Variants in PTPRD observed in about 807,000 individuals in gnomAD.
The protein encoded by PTPRD is receptor-type tyrosine-protein phosphatase delta.
Under a neutral mutation model 214.5 loss-of-function variants are expected in PTPRD, and 34 were observed. That is an observed-to-expected ratio of 0.16 (90% CI 0.12 to 0.21). PTPRD has a LOEUF of 0.21. Among genes scored for constraint, PTPRD ranks in the 10% least tolerant of loss-of-function variants. The pLI, the probability that PTPRD is intolerant of heterozygous loss-of-function variation, is 1.00. For synonymous variants in PTPRD, 1,128 were observed against 845.7 expected (o/e 1.33, Z -5.79); for missense variants, 2,545 against 2,398.7 (o/e 1.06, Z -1.27).
chr9:9,360,842 A>G (rs2055845104), intron 9 of PTPRD, among the ~76,000 whole-genome samples: 1 of 151,124 alleles, frequency 6.6e-6, no homozygotes, highest in African/African-American at 2.4e-5. Flanking sequence ...TTGATAAGTC[A>G]AGAGTACTGT....
intron 34 of PTPRD, among the ~76,000 whole-genome samples, chr9:8,441,012 C>A (rs1249523933): frequency 6.6e-6 from 1 of 152,066 alleles, no homozygotes; most frequent in African/African-American, 2.4e-5. Flanking sequence ...ACGGCATTTG[C>A]GATCTTCTAA....
intron 8 of PTPRD, among the ~76,000 whole-genome samples, chr9:9,520,297 ATAT>A (rs2096937444): frequency 6.8e-6 from 1 of 147,680 alleles, no homozygotes; most frequent in African/African-American, 2.4e-5. Context: ...TTATATATAT[ATAT>A]TAAGTTATAT....
At chr9:9,294,696 C>T (rs1952402961) in intron 9 of PTPRD, among the ~76,000 whole-genome samples, 1 of 151,580 alleles carries the variant, frequency 6.6e-6, no homozygotes, top group South Asian at 2.1e-4. Context: ...TGAAACTTAC[C>T]TTGCTGACAC....
chr9:10,416,476 C>A (rs1295700335), intron 2 of PTPRD, among the ~76,000 whole-genome samples: 1 of 151,350 alleles, frequency 6.6e-6, no homozygotes, highest in African/African-American at 2.4e-5. Flanking sequence ...AAGAAGAGAA[C>A]AAATGTTAAA....
chr9:9,310,172 C>T (rs1208283123), intron 9 of PTPRD, among the ~76,000 whole-genome samples: 1 of 152,108 alleles, frequency 6.6e-6, no homozygotes, highest in Admixed American at 6.5e-5. Context: ...TGTTTTGGAT[C>T]TGCTGATGTT....
chr9:9,929,613 C>T (rs752257284), intron 5 of PTPRD, among the ~76,000 whole-genome samples: 2 of 152,098 alleles, frequency 1.3e-5, no homozygotes, highest in Admixed American at 6.5e-5. Flanking sequence ...AGGATAGTCT[C>T]AATCTCTTGA....
chr9:9,362,065 A>G (rs1254768019), intron 9 of PTPRD, among the ~76,000 whole-genome samples: 3 of 151,170 alleles, frequency 2.0e-5, no homozygotes, highest in Non-Finnish European at 4.5e-5. Flanking sequence ...TTGACTTAAA[A>G]AAAGATCGAG....
At chr9:9,062,836 G>C (rs1231623804) in intron 10 of PTPRD, among the ~76,000 whole-genome samples, 1 of 152,072 alleles carries the variant, frequency 6.6e-6, no homozygotes, top group Non-Finnish European at 1.5e-5. Context: ...GGCCTATTTT[G>C]CCATCCCAGG....
chr9:9,897,350 C>A (rs2075282291), intron 5 of PTPRD, among the ~76,000 whole-genome samples: 3 of 151,736 alleles, frequency 2.0e-5, no homozygotes, highest in Admixed American at 2.0e-4. Flanking sequence ...GTATTATGAA[C>A]CTACACACTT....
intron 3 of PTPRD, among the ~76,000 whole-genome samples, chr9:10,088,488 T>A (rs972081133): frequency 1.3e-5 from 2 of 151,748 alleles, no homozygotes; most frequent in South Asian, 2.1e-4. Flanking sequence ...TCTTCAAGTA[T>A]AAAGATGAAG....
intron 11 of PTPRD, among the ~76,000 whole-genome samples, chr9:8,795,658 A>G (rs1210735838): frequency 6.6e-6 from 1 of 152,196 alleles, no homozygotes; most frequent in African/African-American, 2.4e-5. Flanking sequence ...TTTTCATCAT[A>G]GCCCACGTAA....
At chr9:8,356,101 T>A (rs1192644948) in intron 39 of PTPRD, among the ~76,000 whole-genome samples, 1 of 152,158 alleles carries the variant, frequency 6.6e-6, no homozygotes, top group African/African-American at 2.4e-5. Flanking sequence ...AAACGCAAAG[T>A]TTGCTTTTCA....
At chr9:9,454,701 G>A (rs1379640276) in intron 8 of PTPRD, among the ~76,000 whole-genome samples, 2 of 151,466 alleles carry the variant, frequency 1.3e-5, no homozygotes, top group Non-Finnish European at 3.0e-5. Context: ...GTGTATATTT[G>A]TATAGCTATT....
At chr9:9,073,573 T>TC (rs2154411695) in intron 10 of PTPRD, among the ~76,000 whole-genome samples, 1 of 152,260 alleles carries the variant, frequency 6.6e-6, no homozygotes, top group Non-Finnish European at 1.5e-5. Flanking sequence ...GACTGAGGTT[T>TC]CCCCAAAAAG....
chr9:9,466,125 T>C (rs2094135093), intron 8 of PTPRD, among the ~76,000 whole-genome samples: 3 of 151,954 alleles, frequency 2.0e-5, no homozygotes, highest in Admixed American at 1.3e-4. Flanking sequence ...CTGGCCAACA[T>C]GGCAAAACCT....
chr9:10,244,520 A>C (rs1210516160), intron 3 of PTPRD, among the ~76,000 whole-genome samples: 5 of 152,146 alleles, frequency 3.3e-5, no homozygotes, highest in Admixed American at 6.6e-5. Flanking sequence ...AGTCAAAACA[A>C]ATTTCATTTT....
At chr9:9,782,945 G>A (rs2098867844) in intron 5 of PTPRD, among the ~76,000 whole-genome samples, 1 of 152,156 alleles carries the variant, frequency 6.6e-6, no homozygotes, top group Admixed American at 6.5e-5. Flanking sequence ...TGTATTTTAA[G>A]ATATCTGGAT....
At chr9:9,599,353 G>C (rs1298995995) in intron 7 of PTPRD, among the ~76,000 whole-genome samples, 1 of 151,994 alleles carries the variant, frequency 6.6e-6, no homozygotes. Flanking sequence ...AAATGTCTGA[G>C]TTGGGATTTT....
At chr9:9,353,047 G>A (rs1366291760) in intron 9 of PTPRD, among the ~76,000 whole-genome samples, 2 of 151,818 alleles carry the variant, frequency 1.3e-5, no homozygotes, top group Non-Finnish European at 2.9e-5. Context: ...AAATTTTAAT[G>A]CAGGGAGAAA....
Sources: gnomAD v4.1 joint callset for allele counts (sites outside exome capture counted in the v4.1 genomes callset) on GRCh38, gnomAD v4.1.1 for gene constraint, MANE v1.5 for transcripts, NCBI Gene and HGNC (gene_info 2026-07-23, HGNC 2026-07-21) for gene names.